The following SCAMP1 variants were observed in gnomAD, a reference collection of about 807,000 sequenced individuals.
SCAMP1 encodes the protein secretory carrier-associated membrane protein 1.
In SCAMP1, 15 loss-of-function variants were observed where a neutral mutation model predicts 41.8. That is an observed-to-expected ratio of 0.36 (90% confidence interval 0.24 to 0.55). The LOEUF (loss-of-function observed/expected upper bound fraction) is 0.55. SCAMP1 is among the 20% of genes least tolerant of loss of function. The probability of loss-of-function intolerance (pLI) is 0.86; values close to 1 mark genes in which losing one functional copy is unlikely to be tolerated. For synonymous variants in SCAMP1, 135 were observed against 136.8 expected (o/e 0.99, Z 0.09); for missense variants, 341 against 412.6 (o/e 0.83, Z 1.50).
intron 1 of SCAMP1, among the ~76,000 whole-genome samples, chr5:78,380,381 T>A (rs553472592): frequency 6.6e-6 from 1 of 152,342 alleles, no homozygotes; most frequent in African/African-American, 2.4e-5. Context: ...TTGCCCTCCA[T>A]AAAGGTTGTA....
At chr5:78,437,060 A>G (rs1481347315) in intron 6 of SCAMP1, among the ~76,000 whole-genome samples, 1 of 152,282 alleles carries the variant, frequency 6.6e-6, no homozygotes, top group African/African-American at 2.4e-5. Flanking sequence ...TGATTTTTGC[A>G]CATTGATTTT....
At chr5:78,392,571 C>A (rs1252655665) in intron 2 of SCAMP1, among the ~76,000 whole-genome samples, 1 of 152,046 alleles carries the variant, frequency 6.6e-6, no homozygotes, top group Non-Finnish European at 1.5e-5. Context: ...TTTATAGTTA[C>A]AAAAAGATTT....
At chr5:78,459,138 C>A in intron 7 of SCAMP1, 107 bp from the exon 8 acceptor site, 1 of 682,078 alleles carries the variant, frequency 1.5e-6, no homozygotes, top group Non-Finnish European at 2.7e-6. Context: ...ACATAAAGAA[C>A]TTGAATATTG....
chr5:78,363,745 A>G (rs182020798), intron 1 of SCAMP1, among the ~76,000 whole-genome samples: 4 of 152,234 alleles, frequency 2.6e-5, no homozygotes, highest in Non-Finnish European at 4.4e-5. Context: ...TTCTCCTTAT[A>G]TAATATAACC....
At chr5:78,431,124 A>C (rs1482443036) in intron 6 of SCAMP1, among the ~76,000 whole-genome samples, 1 of 152,056 alleles carries the variant, frequency 6.6e-6, no homozygotes, top group Non-Finnish European at 1.5e-5. Flanking sequence ...GATTGAGTGC[A>C]GATACAGATA....
chr5:78,469,890 TAAAAAAAAAA>T (rs141989832), intron 8 of SCAMP1, among the ~76,000 whole-genome samples: 4 of 15,024 alleles, frequency 2.7e-4, no homozygotes, highest in Admixed American at 2.2e-3. Context: ...TACAAGACAT[TAAAAAAAAAA>T]AAAAAAAAAA....
At chr5:78,416,687 A>G in intron 4 of SCAMP1, 38 bp downstream of exon 4, 2 of 1,455,962 alleles carry the variant, frequency 1.4e-6, no homozygotes. Context: ...AATAACTTTT[A>G]AATACTTTAC....
rs1753984405 is a variant in SCAMP1 at position 78,475,526 on chromosome 5, C to T, written c.875C>T (p.Thr292Ile). 1 of 1,609,806 alleles carries T rather than the reference C, an allele frequency of 6.2e-7. No individual in the cohort carries two copies. Among genetic ancestry groups the T allele is most frequent in the East Asian group, 2.2e-5 (1 of 44,788 alleles). Residue 292 changes from threonine to isoleucine, a missense_variant, in exon 9 of 9, where the codon ACA (threonine) becomes ATA (isoleucine). Physicochemically the swap from Thr to Ile is moderately conservative, Grantham distance 89. Transcript: ENST00000621999. ...FKKVHGLYRT[T>I]GASFEKAQQE... Reference sequence around the variant, plus strand: ...TAGGTACATGGACTATATCGCACAACAGGTGCTAGTTTTGAGAAGGCCCAA... The same window carrying T: ...TAGGTACATGGACTATATCGCACAATAGGTGCTAGTTTTGAGAAGGCCCAA...
chr5:78,378,815 A>G (rs1453520385), intron 1 of SCAMP1, among the ~76,000 whole-genome samples: 1 of 152,244 alleles, frequency 6.6e-6, no homozygotes, highest in Non-Finnish European at 1.5e-5. Context: ...GAAGCCAAGT[A>G]TGATCCTCTA....
At position 78,416,589 on chromosome 5, in the gene SCAMP1, G is replaced by C; in HGVS notation, c.283G>C (p.Glu95Gln). 1 of 1,600,060 alleles carries C rather than the reference G, an allele frequency of 6.2e-7. No homozygotes were observed. Among genetic ancestry groups the C allele is most frequent in the South Asian group, 1.1e-5 (1 of 88,036 alleles). ...ACTTCTTAAGCGCCAGGAAGAACTA[G>C]AAAGAAAAGCCGCAGAATTAGATCG... ...AELLKRQEEL[E>Q]RKAAELDRRE... The change falls in exon 4 of 9, where the codon GAA becomes CAA. Residue 95 changes from glutamate (E) to glutamine (Q), a missense_variant. By Grantham distance (29) the Glu-to-Gln change is conservative. Transcript: ENST00000621999.
chr5:78,445,144 T>C (rs1234802918), intron 6 of SCAMP1, among the ~76,000 whole-genome samples: 2 of 152,252 alleles, frequency 1.3e-5, no homozygotes, highest in Non-Finnish European at 2.9e-5. Context: ...ATCTCTGGTA[T>C]TGATTTGGCA....
At chr5:78,442,235 A>T in intron 6 of SCAMP1, among the ~76,000 whole-genome samples, 1 of 152,218 alleles carries the variant, frequency 6.6e-6, no homozygotes, top group East Asian at 1.9e-4. Context: ...GATAGGTATC[A>T]TGGAGGCTTA....
rs534837013 is a variant in SCAMP1 at position 78,479,839 on chromosome 5, G to T, written c.*4171G>T. On this transcript the variant is annotated 3_prime_UTR_variant, in exon 9 of 9. Transcript: ENST00000621999. ...GGGCGGATCACGAGGTCAGGAGATCGAAACCATCCTGGCTAACATGGTGAA... is the reference window on the plus strand; with the variant it reads ...GGGCGGATCACGAGGTCAGGAGATCTAAACCATCCTGGCTAACATGGTGAA... 3.3e-5 allele frequency among the ~76,000 whole-genome samples: 5 copies of T among 152,060 alleles called. No individual in the cohort carries two copies. Among genetic ancestry groups the T allele is most frequent in the Non-Finnish European group, 5.9e-5 (4 of 67,982 alleles).
chr5:78,394,812 T>G (rs1751608880), intron 2 of SCAMP1, among the ~76,000 whole-genome samples: 1 of 152,346 alleles, frequency 6.6e-6, no homozygotes, highest in African/African-American at 2.4e-5. Flanking sequence ...CCTAGTATCG[T>G]TGGCTAGAAA....
intron 1 of SCAMP1, among the ~76,000 whole-genome samples, chr5:78,377,119 T>C (rs1012383228): frequency 2.0e-5 from 3 of 152,118 alleles, no homozygotes; most frequent in Non-Finnish European, 4.4e-5. Context: ...AAAAAAAAGC[T>C]GAGGCCCTTC....
chr5:78,391,843 A>G (rs1751516220), intron 2 of SCAMP1, among the ~76,000 whole-genome samples: 1 of 152,010 alleles, frequency 6.6e-6, no homozygotes, highest in Admixed American at 6.6e-5. Flanking sequence ...CGTCTCCACC[A>G]AAAAAATACA....
chr5:78,431,256 A>C lies in SCAMP1; in HGVS notation c.632+9296A>C, dbSNP rs184234872. On this transcript the variant is annotated intron_variant, in intron 6 of 8. Coordinates refer to ENST00000621999, the MANE Select transcript of SCAMP1 (RefSeq NM_004866.6). ...GGGTAAAATGTTCTAAAATGCTTCA[A>C]AATATTCAAAATGCTTTTGTACTTT... is the stretch of plus-strand genomic sequence containing the variant. Among the ~76,000 whole-genome samples, 41 of 152,032 alleles carry C rather than the reference A, an allele frequency of 2.7e-4. No individual in the cohort carries two copies. In the East Asian group the frequency reaches 7.9e-3, roughly 29 times the overall value.
intron 8 of SCAMP1, among the ~76,000 whole-genome samples, chr5:78,468,671 A>G (rs200716040): frequency 6.6e-6 from 1 of 152,284 alleles, no homozygotes; most frequent in East Asian, 1.9e-4. Flanking sequence ...TTTAGAAAAA[A>G]GTTATTTTAC....
intron 8 of SCAMP1, among the ~76,000 whole-genome samples, chr5:78,462,350 G>A (rs1289854032): frequency 1.3e-5 from 2 of 152,050 alleles, no homozygotes; most frequent in Non-Finnish European, 2.9e-5. Flanking sequence ...GGTTTTTTGA[G>A]ACAGAATCTC....
Sources: allele counts gnomAD v4.1 joint callset (sites outside exome capture counted in the v4.1 genomes callset), GRCh38; gene constraint gnomAD v4.1.1; transcripts MANE v1.5; gene names NCBI Gene and HGNC (gene_info 2026-07-23, HGNC 2026-07-21).